STRIP2: variants seen among roughly 807,000 people sequenced by gnomAD.
The protein encoded by STRIP2 is striatin-interacting protein 2.
STRIP2 carries 84 observed loss-of-function variants against 107.1 expected under a neutral mutation model. That is an observed-to-expected ratio of 0.78 (90% CI 0.66 to 0.94). STRIP2 has a LOEUF of 0.94. Ranked by LOEUF, STRIP2 falls within the 40% of genes least tolerant of loss-of-function variation. The pLI is 0.00. For synonymous variants in STRIP2, 394 were observed against 400.4 expected, an observed-to-expected ratio of 0.98 and a Z score of 0.19; for missense variants, 888 against 1,034.2, an observed-to-expected ratio of 0.86 and a Z score of 1.94.
chr7:129,466,670 G>A (rs1798677561), intron 16 of STRIP2, among the ~76,000 whole-genome samples: 2 of 152,146 alleles, frequency 1.3e-5, no homozygotes, highest in South Asian at 4.1e-4. Context: ...ATTTGGGAGA[G>A]CAGAATGGAG....
At chr7:129,447,278 C>T (rs903893185) in intron 3 of STRIP2, among the ~76,000 whole-genome samples, 1 of 152,206 alleles carries the variant, frequency 6.6e-6, no homozygotes, top group African/African-American at 2.4e-5. Flanking sequence ...CCTCCAAAAT[C>T]CAAATAGACC....
intron 18 of STRIP2, among the ~76,000 whole-genome samples, chr7:129,476,215 G>A (rs1367779806): frequency 6.6e-6 from 1 of 151,556 alleles, no homozygotes; most frequent in Non-Finnish European, 1.5e-5. Flanking sequence ...CCTCCCGGAC[G>A]GGGCGGCTGG....
Position 129,464,722 on chromosome 7 carries a change from T to G in STRIP2, c.1760T>G (p.Leu587Arg). 3 of 1,614,152 alleles carry G rather than the reference T, an allele frequency of 1.9e-6. No homozygotes were observed. The highest frequency in any genetic ancestry group is 2.5e-6 in the Non-Finnish European group (3 of 1,180,018). ...LLLLLLKHFK[L>R]NHIYQFEYVS... ...CTGCTACTCCTCAAACACTTCAAAC[T>G]CAACCATATCTACCAGGTGAGCAGC... is the stretch of plus-strand genomic sequence containing the variant. Residue 587 changes from leucine (L) to arginine (R), a missense_variant, in exon 16 of 21, where the codon CTC (leucine) becomes CGC (arginine). By Grantham distance (102) the Leu-to-Arg change is moderately radical. Transcript: ENST00000249344.
At chr7:129,480,703 C>A in intron 18 of STRIP2, 82 bp from the exon 19 acceptor site, 1 of 1,205,820 alleles carries the variant, frequency 8.3e-7, no homozygotes, top group Non-Finnish European at 1.2e-6. Context: ...CTCACCTAAA[C>A]TGACCAACAT....
Position 129,488,328 on chromosome 7 carries a change from G to A in STRIP2, c.*2499G>A, listed in dbSNP as rs1428235061. On this transcript the variant is annotated 3_prime_UTR_variant, in exon 21 of 21. Transcript: ENST00000249344. Reference sequence around the variant, plus strand: ...ATTTGTGAATATTTCAGTAAAGTTTGTGTTGATTGTTGATAACACTGTTCA... The same window carrying A: ...ATTTGTGAATATTTCAGTAAAGTTTATGTTGATTGTTGATAACACTGTTCA... 1 of 152,622 alleles carries A rather than the reference G, an allele frequency of 6.6e-6. No individual in the cohort carries two copies. Among genetic ancestry groups the A allele is most frequent in the Non-Finnish European group, 1.5e-5 (1 of 68,034 alleles). 9.5% of individuals were successfully genotyped at this position (152,622 alleles called of 1,614,324 possible). A position where few individuals can be genotyped will look rare whatever the true frequency, so the allele number is the denominator to read the frequency against.
chr7:129,457,941 G>C (rs940057095), intron 9 of STRIP2: 2 of 451,086 alleles, frequency 4.4e-6, no homozygotes, highest in Admixed American at 3.4e-5. Context: ...GCAAAAAAAG[G>C]CATCACTGCT....
Position 129,461,569 on chromosome 7 carries a change from A to C in STRIP2, c.1476+1197A>C, listed in dbSNP as rs536324169. On this transcript the variant is annotated intron_variant, in intron 13 of 20. Transcript: ENST00000249344. This position sits in a 1 kb window ranked among gnomAD's most constrained non-coding sequence, Gnocchi z 4.0. ...ATCATAAAAGCTAAGAAAGTCTTTC[A>C]AGAAAAAAGGAGTGATCTGCTGGGT... Among the ~76,000 whole-genome samples, 52 of 143,712 alleles carry C rather than the reference A, an allele frequency of 3.6e-4. No homozygotes were observed. Among genetic ancestry groups the C allele is most frequent in the African/African-American group, 1.2e-3 (50 of 41,304 alleles). 94.3% of individuals were successfully genotyped at this position (143,712 alleles called of 152,430 possible).
intron 19 of STRIP2, among the ~76,000 whole-genome samples, chr7:129,481,955 G>A (rs918832772): frequency 6.6e-6 from 1 of 151,730 alleles, no homozygotes; most frequent in Non-Finnish European, 1.5e-5. Context: ...ATCACTTGAG[G>A]TCAGGAGTTT....
chr7:129,465,135 A>G (rs1798641170), intron 16 of STRIP2, among the ~76,000 whole-genome samples: 1 of 152,204 alleles, frequency 6.6e-6, no homozygotes, highest in Non-Finnish European at 1.5e-5. Flanking sequence ...TTCTGAGAAT[A>G]GGGCACAGTT....
chr7:129,476,331 C>G (rs1382559135), intron 18 of STRIP2, among the ~76,000 whole-genome samples: 1 of 149,560 alleles, frequency 6.7e-6, no homozygotes, highest in Non-Finnish European at 1.5e-5. Context: ...GGGCTCCTCA[C>G]TTCTCAGACG....
At chr7:129,473,097 C>T (rs117494303) in intron 18 of STRIP2, among the ~76,000 whole-genome samples, 4,393 of 151,978 alleles carry the variant, frequency 0.029, 128 homozygotes, top group Admixed American at 0.044. Flanking sequence ...ATAGGATTTT[C>T]TTTAAGTAAC....
chr7:129,478,920 G>A (rs570422453), intron 18 of STRIP2, among the ~76,000 whole-genome samples: 1 of 152,224 alleles, frequency 6.6e-6, no homozygotes, highest in Non-Finnish European at 1.5e-5. Context: ...GATGAAGGAA[G>A]CTCACAGTAG....
chr7:129,471,745 T>C (rs1798792919), intron 18 of STRIP2, among the ~76,000 whole-genome samples: 1 of 152,172 alleles, frequency 6.6e-6, no homozygotes, highest in South Asian at 2.1e-4. Context: ...TGACTTGTCA[T>C]GGTTTACTCC....
rs189400494 is a variant in STRIP2 at position 129,478,493 on chromosome 7, G to A, written c.1945-2292G>A. ...CCACTGCACTCCAGCCTGGGTGACA[G>A]TGTCAGACTCCATCTCAGAAAAAGA... On this transcript the variant is annotated intron_variant, in intron 18 of 20. Coordinates refer to ENST00000249344, the MANE Select transcript of STRIP2 (RefSeq NM_020704.3). Among the ~76,000 whole-genome samples, 30 of 152,292 alleles carry A rather than the reference G, an allele frequency of 2.0e-4. 1 individual carries two copies. Among genetic ancestry groups the A allele is most frequent in the Admixed American group, 1.0e-3 (16 of 15,294 alleles).
intron 18 of STRIP2, among the ~76,000 whole-genome samples, chr7:129,478,784 A>G (rs1799038662): frequency 6.6e-6 from 1 of 152,186 alleles, no homozygotes; most frequent in Admixed American, 6.5e-5. Flanking sequence ...GGATGAGGCC[A>G]TAATCCAAGT....
At chr7:129,479,205 CA>C (rs1562918525) in intron 18 of STRIP2, among the ~76,000 whole-genome samples, 1 of 150,322 alleles carries the variant, frequency 6.7e-6, no homozygotes, top group East Asian at 2.0e-4. Context: ...ACCTGGGAGG[CA>C]GAGGTTGCAG....
In STRIP2 at chr7:129,434,551, G is replaced by A; in HGVS notation, c.79G>A (p.Ala27Thr). 6.6e-7 allele frequency: 1 copy of A among 1,518,750 alleles called. No individual in the cohort carries two copies. The highest frequency in any genetic ancestry group is 8.8e-7 in the Non-Finnish European group (1 of 1,140,402). The allele number at this position is 1,518,750 out of a possible 1,614,324, so 94.1% of individuals were successfully genotyped here. A position where few individuals can be genotyped will look rare whatever the true frequency, so the allele number is the denominator to read the frequency against. ...NGNGGGKGKQ[A>T]APKGREAFRS... is the part of the protein sequence containing the mutation. The stretch of plus-strand genomic sequence containing the variant: ...CAACGGCGGCGGCAAAGGGAAGCAG[G>A]CGGCGCCCAAGGGCCGCGAAGCGTT... The change falls in exon 1 of 21, where the codon GCG becomes ACG. Residue 27 changes from alanine (A) to threonine (T), a missense_variant. Coordinates refer to ENST00000249344, the MANE Select transcript of STRIP2 (RefSeq NM_020704.3).
At chr7:129,476,362 G>C in intron 18 of STRIP2, among the ~76,000 whole-genome samples, 1 of 138,742 alleles carries the variant, frequency 7.2e-6, no homozygotes, top group East Asian at 2.3e-4. Flanking sequence ...CGGGCGGAGG[G>C]GCTCCTCACT....
intron 18 of STRIP2, among the ~76,000 whole-genome samples, chr7:129,472,885 C>T (rs989461546): frequency 1.4e-5 from 2 of 140,236 alleles, no homozygotes; most frequent in African/African-American, 5.3e-5. Context: ...CTCGTGAGTC[C>T]AAGTGATTTT....
Sources: allele counts gnomAD v4.1 joint callset (sites outside exome capture counted in the v4.1 genomes callset), GRCh38; gene constraint gnomAD v4.1.1; non-coding constraint Gnocchi (gnomAD v3.1); transcripts MANE v1.5; gene names NCBI Gene and HGNC (gene_info 2026-07-23, HGNC 2026-07-21).